The following TBC1D1 variants were observed in gnomAD, a reference collection of about 807,000 sequenced individuals.
TBC1D1 encodes the protein TBC1 (tre-2/USP6, BUB2, cdc16) domain family, member 1.
TBC1D1 carries 89 observed loss-of-function variants against 125.6 expected under a neutral mutation model. The ratio of observed to expected loss-of-function variants is 0.71; its 90% CI spans 0.60 to 0.85. The LOEUF is 0.85. TBC1D1 is among the 40% of genes least tolerant of loss of function. The pLI, the probability that TBC1D1 is intolerant of heterozygous loss-of-function variation, is 0.00. For synonymous variants in TBC1D1, 565 were observed against 564.1 expected (o/e 1.00, Z -0.02); for missense variants, 1,377 against 1,469.2 (o/e 0.94, Z 1.03).
intron 2 of TBC1D1, among the ~76,000 whole-genome samples, chr4:37,907,984 C>A (rs114975646): frequency 0.012 from 1,838 of 152,268 alleles, 42 homozygotes; most frequent in African/African-American, 0.042. Context: ...AAGGGACTTT[C>A]CAGCACTGAG....
chr4:38,082,245 G>A (rs867995922), intron 12 of TBC1D1, among the ~76,000 whole-genome samples: 8 of 152,240 alleles, frequency 5.3e-5, no homozygotes, highest in South Asian at 4.1e-4. Flanking sequence ...CCACTGTGAC[G>A]TGGCTGCTGG....
intron 15 of TBC1D1, among the ~76,000 whole-genome samples, chr4:38,112,511 G>A (rs1309141786): frequency 6.6e-6 from 1 of 152,138 alleles, no homozygotes; most frequent in African/African-American, 2.4e-5. Context: ...ATTAGGCATT[G>A]TACGTGTACT....
At position 38,020,629 on chromosome 4, in the gene TBC1D1, G is replaced by A. The variant is rs1192017772; in HGVS notation, c.1011G>A (p.Arg337=). The stretch of plus-strand genomic sequence containing the variant: ...TGGACCACTTTGGGTTTATCTGTCG[G>A]GAGTCTTCCGGAGGTGGCGGCTTTC... The change falls in exon 5 of 20, where the codon CGG becomes CGA. Residue 337 remains arginine, a synonymous_variant. Coordinates refer to ENST00000261439, the MANE Select transcript of TBC1D1 (RefSeq NM_015173.4). 1 of 1,613,280 alleles carries A rather than the reference G, an allele frequency of 6.2e-7. No individual in the cohort carries two copies. The highest frequency in any genetic ancestry group is 1.3e-5 in the African/African-American group (1 of 75,026).
Position 38,096,084 on chromosome 4 carries a change from G to A in TBC1D1, c.2392G>A (p.Gly798Arg). The A allele has an allele frequency of 6.2e-7, 1 of 1,612,404 alleles. No homozygotes were observed. Among genetic ancestry groups the A allele is most frequent in the Admixed American group, 1.7e-5 (1 of 59,886 alleles). ...CATGGAAAAAATGCACTCGGCTGTTGGGCAAGGTAAGCTTCATTGGGAAGC... is the reference window on the plus strand; with the variant it reads ...CATGGAAAAAATGCACTCGGCTGTTAGGCAAGGTAAGCTTCATTGGGAAGC... The change falls in exon 14 of 20, where the codon GGG becomes AGG. Residue 798 changes from glycine (G) to arginine (R), a missense_variant. Coordinates refer to ENST00000261439, the MANE Select transcript of TBC1D1 (RefSeq NM_015173.4).
intron 1 of TBC1D1, among the ~76,000 whole-genome samples, chr4:37,894,969 A>G (rs1311060834): frequency 1.3e-5 from 2 of 152,178 alleles, no homozygotes; most frequent in Non-Finnish European, 2.9e-5. Flanking sequence ...GCATGACAAA[A>G]CCTACTTCTC....
chr4:38,012,026 A>C (rs538738654), intron 2 of TBC1D1, among the ~76,000 whole-genome samples: 1 of 152,352 alleles, frequency 6.6e-6, no homozygotes, highest in East Asian at 1.9e-4. Context: ...AGCAGAAGAC[A>C]CAGCATGTAG....
At chr4:38,056,334 T>C (rs1751703258) in intron 12 of TBC1D1, among the ~76,000 whole-genome samples, 1 of 152,222 alleles carries the variant, frequency 6.6e-6, no homozygotes, top group South Asian at 2.1e-4. Flanking sequence ...AGTCCTGAGT[T>C]GAACTTGGTG....
intron 7 of TBC1D1, among the ~76,000 whole-genome samples, chr4:38,031,713 G>A (rs932356786): frequency 3.9e-5 from 6 of 152,108 alleles, no homozygotes; most frequent in Non-Finnish European, 5.9e-5. Flanking sequence ...TTTCAGTTGC[G>A]AACTCATGGG....
intron 14 of TBC1D1, among the ~76,000 whole-genome samples, chr4:38,101,349 T>C (rs1228420139): frequency 6.6e-6 from 1 of 152,242 alleles, no homozygotes; most frequent in Non-Finnish European, 1.5e-5. Flanking sequence ...TGGCATCTTA[T>C]TCTTCAGTCT....
At chr4:37,936,450 G>C (rs1202625777) in intron 2 of TBC1D1, among the ~76,000 whole-genome samples, 1 of 152,196 alleles carries the variant, frequency 6.6e-6, no homozygotes, top group Non-Finnish European at 1.5e-5. Flanking sequence ...ACTGGAATCT[G>C]TTTGAGGGCA....
rs765552013 is a variant in TBC1D1, at chr4:38,049,629, G to A, written c.1641G>A (p.Val547=). Residue 547 remains valine, a synonymous_variant, in exon 11 of 20, where the codon GTG becomes GTA. Coordinates refer to ENST00000261439, the MANE Select transcript of TBC1D1 (RefSeq NM_015173.4). The stretch of plus-strand genomic sequence containing the variant: ...GTGTTTGCTCCCAGGAGCCATCTGT[G>A]TGTGAAAAGGAGGCCTTGCCCATCT... 6.2e-7 allele frequency: 1 copy of A among 1,607,784 alleles called. No individual in the cohort carries two copies. The highest frequency in any genetic ancestry group is 8.5e-7 in the Non-Finnish European group (1 of 1,175,720).
At chr4:38,025,373 T>G (rs1560641904) in intron 6 of TBC1D1, among the ~76,000 whole-genome samples, 1 of 152,132 alleles carries the variant, frequency 6.6e-6, no homozygotes, top group East Asian at 1.9e-4. Flanking sequence ...TTTCAGTGGG[T>G]GTACAGAAAC....
At chr4:37,896,336 G>T (rs965952774) in intron 1 of TBC1D1, among the ~76,000 whole-genome samples, 1 of 152,090 alleles carries the variant, frequency 6.6e-6, no homozygotes, top group Non-Finnish European at 1.5e-5. Flanking sequence ...GAGTGGAGGG[G>T]GCTGGGAACA....
At chr4:38,103,798 A>C (rs1221166482) in intron 15 of TBC1D1, among the ~76,000 whole-genome samples, 1 of 152,248 alleles carries the variant, frequency 6.6e-6, no homozygotes. Flanking sequence ...TTTAAAATAT[A>C]GTAACTATCT....
intron 2 of TBC1D1, among the ~76,000 whole-genome samples, chr4:38,008,674 T>C (rs1019940232): frequency 6.6e-6 from 1 of 152,176 alleles, no homozygotes; most frequent in African/African-American, 2.4e-5. Context: ...ACCTGATCAC[T>C]CCTTGGCAAG....
intron 12 of TBC1D1, among the ~76,000 whole-genome samples, chr4:38,076,708 G>T (rs555493316): frequency 6.6e-6 from 1 of 152,108 alleles, no homozygotes; most frequent in East Asian, 1.9e-4. Context: ...AGGATTATAG[G>T]TAACTTTTTT....
At chr4:37,941,490 A>G (rs1017443814) in intron 2 of TBC1D1, among the ~76,000 whole-genome samples, 1 of 152,002 alleles carries the variant, frequency 6.6e-6, no homozygotes, top group Admixed American at 6.6e-5. Flanking sequence ...AGATTCATTG[A>G]TTTTTTGAAG....
intron 11 of TBC1D1, among the ~76,000 whole-genome samples, chr4:38,052,474 G>A (rs1750796260): frequency 6.6e-6 from 1 of 151,454 alleles, no homozygotes; most frequent in Non-Finnish European, 1.5e-5. Context: ...TGGGACTACA[G>A]GCACACGCCA....
At position 38,044,344 on chromosome 4, in the gene TBC1D1, C is replaced by T. The variant is rs76368862; in HGVS notation, c.1414-18C>T. 4,870 of 1,588,908 alleles carry T rather than the reference C, an allele frequency of 3.1e-3. 137 individuals are homozygous for T. The African/African-American group carries it at 0.059, about 19-fold the overall frequency. On this transcript the variant is annotated intron_variant, in intron 8 of 19. Coordinates refer to ENST00000261439, the MANE Select transcript of TBC1D1 (RefSeq NM_015173.4). Reference sequence around the variant, plus strand: ...GAGAAGGGAGCGATAAATGACTTTTCGTTTTTCACTTTTTTAGACATCGCA... The same window carrying T: ...GAGAAGGGAGCGATAAATGACTTTTTGTTTTTCACTTTTTTAGACATCGCA...
Sources: gnomAD v4.1 joint callset for allele counts (sites outside exome capture counted in the v4.1 genomes callset) on GRCh38, gnomAD v4.1.1 for gene constraint, MANE v1.5 for transcripts, NCBI Gene and HGNC (gene_info 2026-07-23, HGNC 2026-07-21) for gene names.